Variants in CCNY observed in about 807,000 individuals in gnomAD.
The protein encoded by CCNY is cyclin Y.
In CCNY, 19 loss-of-function variants were observed where a neutral mutation model predicts 42.8. The ratio of observed to expected loss-of-function variants is 0.44; its 90% CI spans 0.31 to 0.65. The LOEUF is 0.65. Among genes scored for constraint, CCNY ranks in the 30% least tolerant of loss-of-function variants. CCNY has a pLI of 0.07. For missense variants in CCNY, 370 were observed against 437.3 expected (o/e 0.85, Z 1.37); for synonymous variants, 165 against 162.7 (o/e 1.01, Z -0.11).
intron 1 of CCNY, among the ~76,000 whole-genome samples, chr10:35,382,047 A>C (rs1267682535): frequency 6.6e-6 from 1 of 152,220 alleles, no homozygotes; most frequent in East Asian, 1.9e-4. Flanking sequence ...AATTTTTTTC[A>C]TACATGGAGG....
At chr10:35,417,743 C>A (rs887307478) in intron 1 of CCNY, among the ~76,000 whole-genome samples, 1 of 152,154 alleles carries the variant, frequency 6.6e-6, no homozygotes, top group African/African-American at 2.4e-5. Flanking sequence ...TAATAATGAA[C>A]AAGCCATCTA....
At chr10:35,564,486 A>G (rs1841528342) in intron 8 of CCNY, among the ~76,000 whole-genome samples, 1 of 152,048 alleles carries the variant, frequency 6.6e-6, no homozygotes, top group Non-Finnish European at 1.5e-5. Context: ...AGTCCTTCAT[A>G]GCTGAGTGCT....
intron 8 of CCNY, among the ~76,000 whole-genome samples, chr10:35,560,626 T>C (rs1285601308): frequency 2.0e-5 from 3 of 152,194 alleles, no homozygotes; most frequent in African/African-American, 4.8e-5. Flanking sequence ...ACAGCAGCTC[T>C]TGCAAACTAA....
intron 1 of CCNY, among the ~76,000 whole-genome samples, chr10:35,451,866 C>T (rs1205331833): frequency 6.6e-6 from 1 of 152,172 alleles, no homozygotes; most frequent in Non-Finnish European, 1.5e-5. Flanking sequence ...CTGCTGTCAC[C>T]CAGGCGAGCC....
intron 4 of CCNY, among the ~76,000 whole-genome samples, chr10:35,521,880 A>G (rs185685673): frequency 1.3e-5 from 2 of 152,270 alleles, no homozygotes; most frequent in Admixed American, 1.3e-4. Context: ...TAGGGGAAGT[A>G]AAAACAATGA....
intron 2 of CCNY, among the ~76,000 whole-genome samples, chr10:35,500,705 T>C (rs1351472521): frequency 6.6e-6 from 1 of 152,226 alleles, no homozygotes; most frequent in Admixed American, 6.5e-5. Context: ...AGTTCAGTGA[T>C]ACTAGGTTAT....
intron 4 of CCNY, among the ~76,000 whole-genome samples, chr10:35,517,613 C>G (rs1840456495): frequency 6.6e-6 from 1 of 152,172 alleles, no homozygotes; most frequent in Admixed American, 6.5e-5. Flanking sequence ...CTGCTCTAGG[C>G]AGAAGGTGGA....
intron 5 of CCNY, among the ~76,000 whole-genome samples, chr10:35,528,398 C>T (rs946623919): frequency 1.1e-4 from 16 of 152,116 alleles, no homozygotes; most frequent in African/African-American, 3.9e-4. Flanking sequence ...TGTGAATGCC[C>T]AGAGCTTTAA....
chr10:35,478,492 A>G (rs1839575307), intron 1 of CCNY, among the ~76,000 whole-genome samples: 1 of 152,128 alleles, frequency 6.6e-6, no homozygotes, highest in Non-Finnish European at 1.5e-5. Context: ...CCGCATATCT[A>G]CAACTATCTG....
chr10:35,551,002 C>T (rs1395992890), intron 7 of CCNY, among the ~76,000 whole-genome samples: 1 of 152,184 alleles, frequency 6.6e-6, no homozygotes, highest in East Asian at 1.9e-4. Context: ...CATTTCAAGA[C>T]AGAAAGCGTC....
At chr10:35,258,564 T>G (rs999036821) in intron 3 of CCNY, among the ~76,000 whole-genome samples, 1 of 152,186 alleles carries the variant, frequency 6.6e-6, no homozygotes, top group Non-Finnish European at 1.5e-5. Context: ...CAACCAGTGA[T>G]TCTGATATTT....
At chr10:35,528,572 C>T (rs771486398) in intron 5 of CCNY, among the ~76,000 whole-genome samples, 4 of 152,010 alleles carry the variant, frequency 2.6e-5, no homozygotes, top group Admixed American at 6.6e-5. Flanking sequence ...CCTGGTGGCG[C>T]GTGCTTATAA....
chr10:35,291,526 TC>T (rs1443315098), intron 3 of CCNY, among the ~76,000 whole-genome samples: 1 of 144,744 alleles, frequency 6.9e-6, no homozygotes, highest in Non-Finnish European at 1.5e-5. Context: ...GTGTACGACT[TC>T]CTTTTTTTTT....
chr10:35,502,101 T>C (rs978314169), intron 3 of CCNY, among the ~76,000 whole-genome samples: 6 of 152,204 alleles, frequency 3.9e-5, no homozygotes, highest in African/African-American at 1.4e-4. Context: ...CTCCCTCCCC[T>C]GGTGGCCAGG....
Position 35,505,869 on chromosome 10 carries a change from C to T in CCNY, c.264+4334C>T, listed in dbSNP as rs187275462. Among the ~76,000 whole-genome samples, 760 of 152,294 alleles carry T rather than the reference C, an allele frequency of 5.0e-3. 6 individuals carry two copies. Among genetic ancestry groups the T allele is most frequent in the Middle Eastern group, 0.01 (3 of 294 alleles). ...TGGGAGGAGTATATTCTGTTCAGCT[C>T]CCTTTGGAGAATACTGACTTGAATC... On this transcript the variant is annotated intron_variant, in intron 3 of 9. Transcript: ENST00000374704.
chr10:35,487,566 T>A (rs1839813445), intron 2 of CCNY, among the ~76,000 whole-genome samples: 1 of 152,144 alleles, frequency 6.6e-6, no homozygotes, highest in African/African-American at 2.4e-5. Context: ...CATCAGAGTT[T>A]TCGTGATTGC....
chr10:35,517,063 G>C (rs1840445456), intron 4 of CCNY, among the ~76,000 whole-genome samples: 2 of 152,142 alleles, frequency 1.3e-5, no homozygotes, highest in Admixed American at 6.5e-5. Flanking sequence ...CCAGTAGAAA[G>C]CCTGCCTGGC....
chr10:35,515,171 A>G (rs1793399165), intron 3 of CCNY, among the ~76,000 whole-genome samples: 1 of 152,166 alleles, frequency 6.6e-6, no homozygotes, highest in Admixed American at 6.5e-5. Context: ...GTGTAAGCCT[A>G]AGGAAAGAAC....
In CCNY at chr10:35,566,091, C is replaced by A. The variant is rs1841564456; in HGVS notation, c.815C>A (p.Ala272Asp). Residue 272 changes from alanine (A) to aspartate (D), a missense_variant, in exon 9 of 10, where the codon GCC (alanine) becomes GAC (aspartate). Physicochemically the swap from Ala to Asp is moderately radical, Grantham distance 126 (BLOSUM62 -2). This residue lies in a region of CCNY where 234 missense variants were observed against 313.1 expected (regional missense o/e 0.75). Transcript: ENST00000374704. ...FNINVPSSVY[A>D]KYYFDLRSLA... The stretch of plus-strand genomic sequence containing the variant: ...ATCAATGTTCCTTCCAGTGTCTATG[C>A]CAAGTATTATTTTGATCTTCGTTCT... 1 of 1,614,060 alleles carries A rather than the reference C, an allele frequency of 6.2e-7. No individual in the cohort carries two copies. Among genetic ancestry groups the A allele is most frequent in the South Asian group, 1.1e-5 (1 of 91,094 alleles).
Sources: gnomAD v4.1 joint callset for allele counts (sites outside exome capture counted in the v4.1 genomes callset) on GRCh38, gnomAD v4.1.1 for gene constraint, gnomAD v4.1.1 regional missense constraint, MANE v1.5 for transcripts, NCBI Gene and HGNC (gene_info 2026-07-23, HGNC 2026-07-21) for gene names.